The following RPTOR variants were observed in gnomAD, a reference collection of about 807,000 sequenced individuals.
The protein encoded by RPTOR is regulatory-associated protein of mTOR.
A neutral mutation model predicts 169.9 loss-of-function variants in RPTOR; 21 were observed. The ratio of observed to expected loss-of-function variants is 0.12; its 90% CI spans 0.09 to 0.18. The LOEUF (loss-of-function observed/expected upper bound fraction) is 0.18. Among genes scored for constraint, RPTOR ranks in the 10% least tolerant of loss-of-function variants. The probability of loss-of-function intolerance (pLI) is 1.00; values close to 1 mark genes in which losing one functional copy is unlikely to be tolerated. For synonymous variants in RPTOR, 732 were observed against 753.2 expected, an observed-to-expected ratio of 0.97 and a Z score of 0.46; for missense variants, 1,133 against 1,855.9, an observed-to-expected ratio of 0.61 and a Z score of 7.16.
At chr17:80,900,790 TA>T (rs111394981) in intron 20 of RPTOR, among the ~76,000 whole-genome samples, 14 of 152,312 alleles carry the variant, frequency 9.2e-5, no homozygotes, top group Middle Eastern at 3.4e-3. Flanking sequence ...AGAATCAAAA[TA>T]AAAAGTTGCA....
intron 3 of RPTOR, among the ~76,000 whole-genome samples, chr17:80,684,030 C>T (rs568872118): frequency 1.3e-5 from 2 of 152,322 alleles, no homozygotes; most frequent in African/African-American, 2.4e-5. Context: ...CTCGTACCAT[C>T]GTAAACAAAC....
At chr17:80,642,367 C>T (rs1490351647) in intron 2 of RPTOR, among the ~76,000 whole-genome samples, 1 of 151,810 alleles carries the variant, frequency 6.6e-6, no homozygotes, top group East Asian at 1.9e-4. Flanking sequence ...GGTGATCCAC[C>T]CACCTTGGCC....
In RPTOR at chr17:80,573,912, T is replaced by C. The variant is rs117258160; in HGVS notation, c.162+28121T>C. ...CCCCATTTATCTTAACTGGTGCATT[T>C]CCAGGGCAGCAGGGCTGCAAGAGTC... On this transcript the variant is annotated intron_variant, in intron 1 of 33. Coordinates refer to ENST00000306801, the MANE Select transcript of RPTOR (RefSeq NM_020761.3). Among the ~76,000 whole-genome samples, 889 of 152,302 alleles carry C rather than the reference T, an allele frequency of 5.8e-3. 3 individuals are homozygous for C. The highest frequency in any genetic ancestry group is 9.9e-3 in the Non-Finnish European group (674 of 68,022).
At chr17:80,877,922 G>A (rs542827026) in intron 13 of RPTOR, among the ~76,000 whole-genome samples, 1 of 152,302 alleles carries the variant, frequency 6.6e-6, no homozygotes, top group South Asian at 2.1e-4. Flanking sequence ...ATTGATGTGA[G>A]GCAGAAACAC....
intron 20 of RPTOR, among the ~76,000 whole-genome samples, chr17:80,896,407 G>C (rs372757221): frequency 0.021 from 486 of 22,726 alleles, 14 homozygotes; most frequent in African/African-American, 0.047. Context: ...CACGGCCGCA[G>C]CAACACCCCA....
chr17:80,685,794 T>G (rs2143724708), intron 3 of RPTOR, among the ~76,000 whole-genome samples: 1 of 151,622 alleles, frequency 6.6e-6, no homozygotes, highest in Admixed American at 6.6e-5. Context: ...CAGCTGCCTC[T>G]GGCTGTTGAA....
rs1448182464 is a variant in RPTOR at position 80,820,134 on chromosome 17, T to C, written c.891-2067T>C. Among the ~76,000 whole-genome samples the C allele has an allele frequency of 6.6e-6, 1 of 152,192 alleles. No homozygotes were observed. The highest frequency in any genetic ancestry group is 2.4e-5 in the African/African-American group (1 of 41,452). On this transcript the variant is annotated intron_variant, in intron 7 of 33. Coordinates refer to ENST00000306801, the MANE Select transcript of RPTOR (RefSeq NM_020761.3). The surrounding 1 kb of genome is among the most constrained non-coding windows in gnomAD (Gnocchi z 4.1). The stretch of plus-strand genomic sequence containing the variant: ...TGCACAGTCGGGCCACTTATGTGTT[T>C]ACTGATCCTAGGCCACAGAGCTTCG...
intron 3 of RPTOR, among the ~76,000 whole-genome samples, chr17:80,645,582 T>A (rs1165229929): frequency 2.6e-5 from 4 of 152,172 alleles, no homozygotes; most frequent in African/African-American, 9.7e-5. Context: ...GTGCTAAGAG[T>A]TGATTTACTG....
At chr17:80,673,450 C>CTT (rs530960301) in intron 3 of RPTOR, among the ~76,000 whole-genome samples, 9 of 152,322 alleles carry the variant, frequency 5.9e-5, no homozygotes, top group South Asian at 4.1e-4. Context: ...CCTGGTGACA[C>CTT]TTTCCTGGGC....
chr17:80,964,212 A>AAC, intron 33 of RPTOR, 50 bp from the exon 34 acceptor site: 2 of 666,422 alleles, frequency 3.0e-6, no homozygotes, highest in Non-Finnish European at 4.9e-6. Context: ...CGCCCCCCGC[A>AAC]GTGTCTGCCC....
chr17:80,736,178 A>G (rs1205087793), intron 5 of RPTOR, among the ~76,000 whole-genome samples: 1 of 147,960 alleles, frequency 6.8e-6, no homozygotes, highest in Non-Finnish European at 1.5e-5. Flanking sequence ...CTCTTAAAAA[A>G]AAAAAAAGTT....
At chr17:80,727,623 G>T (rs1319816817) in intron 4 of RPTOR, among the ~76,000 whole-genome samples, 1 of 152,310 alleles carries the variant, frequency 6.6e-6, no homozygotes, top group East Asian at 1.9e-4. Flanking sequence ...TGTCGCGCTG[G>T]CCAGAATTTG....
chr17:80,951,461 G>C (rs1426824117), intron 28 of RPTOR, among the ~76,000 whole-genome samples: 1 of 152,244 alleles, frequency 6.6e-6, no homozygotes, highest in Admixed American at 6.5e-5. Context: ...TCTCACTGCG[G>C]GGGAAGGCAG....
At chr17:80,939,718 G>T (rs560085702) in intron 24 of RPTOR, among the ~76,000 whole-genome samples, 3 of 152,308 alleles carry the variant, frequency 2.0e-5, no homozygotes, top group Non-Finnish European at 4.4e-5. Flanking sequence ...CCAGCCAGCT[G>T]CCTGGTTCCC....
At chr17:80,645,601 A>G (rs1317366577) in intron 3 of RPTOR, among the ~76,000 whole-genome samples, 2 of 152,120 alleles carry the variant, frequency 1.3e-5, no homozygotes, top group African/African-American at 4.8e-5. Flanking sequence ...TGCTGGCTTT[A>G]TTATTAGTTT....
rs118041622 is a variant in RPTOR, at chr17:80,727,684, C to T, written c.508-2876C>T. 6.1e-3 allele frequency among the ~76,000 whole-genome samples: 931 copies of T among 152,306 alleles called. 3 individuals carry two copies. The highest frequency in any genetic ancestry group is 0.011 in the Admixed American group (162 of 15,306). On this transcript the variant is annotated intron_variant, in intron 4 of 33. Transcript: ENST00000306801. ...GGAAACTGGGCCATGTGCTCAGCTA[C>T]AACTGCTTTAGAAGAGAGAGAAAAT...
chr17:80,800,890 A>G (rs935390396), intron 7 of RPTOR, among the ~76,000 whole-genome samples: 60 of 152,244 alleles, frequency 3.9e-4, no homozygotes, highest in Non-Finnish European at 3.7e-4. Context: ...GATTGTGTAC[A>G]CAGCATATTT....
chr17:80,905,498 AG>A lies in RPTOR; in HGVS notation c.2402-3311del, dbSNP rs1285268828. On this transcript the variant is annotated intron_variant, in intron 20 of 33. Transcript: ENST00000306801. ...GTAGTCCCAGCTCCTCAGGAGGCTA[AG>A]GCAGGAGAATGGCATGAACCCAGGA... Among the ~76,000 whole-genome samples, 3 of 151,734 alleles carry A rather than the reference AG, an allele frequency of 2.0e-5. No individual in the cohort carries two copies. In the East Asian group the frequency reaches 5.8e-4, roughly 29 times the overall value.
chr17:80,641,723 C>T (rs2065555820), intron 2 of RPTOR, among the ~76,000 whole-genome samples: 1 of 152,142 alleles, frequency 6.6e-6, no homozygotes, highest in Non-Finnish European at 1.5e-5. Context: ...TGTTAATGAT[C>T]ACTGGAGCCT....
Sources: allele counts gnomAD v4.1 joint callset (sites outside exome capture counted in the v4.1 genomes callset), GRCh38; gene constraint gnomAD v4.1.1; non-coding constraint Gnocchi (gnomAD v3.1); transcripts MANE v1.5; gene names NCBI Gene and HGNC (gene_info 2026-07-23, HGNC 2026-07-21).